LRBA: variants seen among roughly 807,000 people sequenced by gnomAD.
LRBA encodes lipopolysaccharide-responsive and beige-like anchor protein.
LRBA carries 176 observed loss-of-function variants against 330.0 expected under a neutral mutation model. That is an observed-to-expected ratio of 0.53 (90% CI 0.47 to 0.60). The LOEUF is 0.60. Ranked by LOEUF, LRBA falls within the 20% of genes least tolerant of loss-of-function variation. The pLI is 0.00. For synonymous variants in LRBA, 1,230 were observed against 1,193.0 expected (o/e 1.03, Z -0.64); for missense variants, 3,259 against 3,444.8 (o/e 0.95, Z 1.35).
intron 40 of LRBA, among the ~76,000 whole-genome samples, chr4:150,529,989 A>G (rs1490045749): frequency 2.6e-5 from 4 of 152,196 alleles, no homozygotes; most frequent in African/African-American, 9.6e-5. Context: ...TAATCCTTGC[A>G]TTCCAAAATG....
chr4:150,672,582 T>A (rs1286017343), intron 37 of LRBA, among the ~76,000 whole-genome samples: 1 of 152,064 alleles, frequency 6.6e-6, no homozygotes, highest in Non-Finnish European at 1.5e-5. Flanking sequence ...AATTTTTTGA[T>A]AATAAATACT....
intron 2 of LRBA, among the ~76,000 whole-genome samples, chr4:151,005,720 T>C (rs1360685416): frequency 6.8e-6 from 1 of 148,072 alleles, no homozygotes; most frequent in Non-Finnish European, 1.5e-5. Flanking sequence ...TTCTCCTACC[T>C]CAGCCTCCCT....
chr4:150,467,648 T>C, intron 44 of LRBA, 25 bp downstream of exon 44: 2 of 1,308,030 alleles, frequency 1.5e-6, no homozygotes, highest in Non-Finnish European at 1.1e-6. Flanking sequence ...GACAATTATA[T>C]TTCACATCAT....
At chr4:151,011,886 A>G (rs1246743770) in intron 2 of LRBA, among the ~76,000 whole-genome samples, 1 of 151,764 alleles carries the variant, frequency 6.6e-6, no homozygotes, top group Non-Finnish European at 1.5e-5. Context: ...GTCTCACTAT[A>G]GTGCCCAGGC....
intron 42 of LRBA, among the ~76,000 whole-genome samples, chr4:150,474,900 A>T (rs1274168509): frequency 1.3e-5 from 2 of 152,160 alleles, no homozygotes; most frequent in East Asian, 3.8e-4. Context: ...TTTCAACATT[A>T]AGTATGATGT....
At chr4:150,632,614 C>A (rs1777500148) in intron 37 of LRBA, among the ~76,000 whole-genome samples, 1 of 152,146 alleles carries the variant, frequency 6.6e-6, no homozygotes, top group African/African-American at 2.4e-5. Flanking sequence ...AACTACTTTC[C>A]ATCCCATGGG....
intron 42 of LRBA, among the ~76,000 whole-genome samples, chr4:150,477,364 A>T (rs1191096239): frequency 2.0e-5 from 3 of 152,152 alleles, no homozygotes; most frequent in Non-Finnish European, 2.9e-5. Context: ...TAATTGACTT[A>T]TAGTTCCACA....
At chr4:150,268,615 TATAAC>T (rs1189319644) in intron 56 of LRBA, among the ~76,000 whole-genome samples, 2 of 152,274 alleles carry the variant, frequency 1.3e-5, no homozygotes, top group South Asian at 2.1e-4. Context: ...TCAACCAACA[TATAAC>T]ATACTACATT....
chr4:150,521,245 T>C (rs543226465), intron 40 of LRBA, among the ~76,000 whole-genome samples: 3 of 152,236 alleles, frequency 2.0e-5, no homozygotes, highest in South Asian at 2.1e-4. Context: ...CTTCCTTATG[T>C]TTGAGTTTAA....
Position 150,415,547 on chromosome 4 carries a change from T to C in LRBA, c.7085A>G (p.Asn2362Ser), listed in dbSNP as rs1747616157. 6.3e-7 allele frequency: 1 copy of C among 1,597,196 alleles called. No individual in the cohort carries two copies. Among genetic ancestry groups the C allele is most frequent in the Non-Finnish European group, 8.6e-7 (1 of 1,164,776 alleles). ...EFYYLPEMFV[N>S]FNNYNLGVMD... is the part of the protein sequence containing the mutation. ...CACTCCAAGATTATAATTATTGAAG[T>C]TGACAAACATCTCAGGGAGATAATA... Residue 2362 changes from asparagine to serine, a missense_variant, in exon 47 of 57, where the codon AAC (asparagine) becomes AGC (serine). Physicochemically the swap from Asn to Ser is conservative, Grantham distance 46. Transcript: ENST00000651943.
chr4:150,265,675 G>T lies in LRBA; in HGVS notation c.*47C>A. ...GTGGTAGAAGAGAATGATGCTCCAG[G>T]TACTTCTGCTCATCCTAGGGGCAGA... On this transcript the variant is annotated 3_prime_UTR_variant, in exon 57 of 57. Coordinates refer to ENST00000651943, the MANE Select transcript of LRBA (RefSeq NM_001364905.1). 1 of 1,166,378 alleles carries T rather than the reference G, an allele frequency of 8.6e-7. No individual in the cohort carries two copies. The highest frequency in any genetic ancestry group is 1.3e-6 in the Non-Finnish European group (1 of 771,542). 72.3% of individuals were successfully genotyped at this position (1,166,378 alleles called of 1,614,324 possible).
At chr4:150,871,521 G>C (rs1301249655) in intron 18 of LRBA, 68 bp from the exon 19 acceptor site, 2 of 861,556 alleles carry the variant, frequency 2.3e-6, no homozygotes, top group African/African-American at 3.3e-5. Flanking sequence ...ATGCATGCTG[G>C]ATGAAGGAAA....
chr4:150,601,319 G>A (rs1272488515), intron 37 of LRBA, among the ~76,000 whole-genome samples: 1 of 151,996 alleles, frequency 6.6e-6, no homozygotes, highest in African/African-American at 2.4e-5. Flanking sequence ...GACTAAATTA[G>A]GTAACAATAG....
intron 48 of LRBA, among the ~76,000 whole-genome samples, chr4:150,335,456 T>C (rs1187496656): frequency 7.1e-6 from 1 of 140,430 alleles, no homozygotes; most frequent in Non-Finnish European, 1.5e-5. Flanking sequence ...TATATATGTG[T>C]ATATATGTGT....
chr4:150,965,463 T>G (rs1738771630), intron 2 of LRBA, among the ~76,000 whole-genome samples: 1 of 152,186 alleles, frequency 6.6e-6, no homozygotes, highest in African/African-American at 2.4e-5. Context: ...TAAGAAAATT[T>G]AGAAGGATAC....
At chr4:150,705,041 GTAC>G (rs1237589845) in intron 36 of LRBA, among the ~76,000 whole-genome samples, 2 of 152,084 alleles carry the variant, frequency 1.3e-5, no homozygotes, top group African/African-American at 4.8e-5. Flanking sequence ...GATGTATCAT[GTAC>G]TACATGAATA....
At chr4:150,644,000 G>T (rs1367290644) in intron 37 of LRBA, among the ~76,000 whole-genome samples, 2 of 151,782 alleles carry the variant, frequency 1.3e-5, no homozygotes, top group Non-Finnish European at 3.0e-5. Context: ...AGCTATAGAT[G>T]ACCGTGTTTC....
intron 37 of LRBA, among the ~76,000 whole-genome samples, chr4:150,671,615 G>A (rs1345088134): frequency 6.6e-6 from 1 of 152,122 alleles, no homozygotes; most frequent in African/African-American, 2.4e-5. Flanking sequence ...TTTCTCATTT[G>A]TCACATTTAT....
intron 37 of LRBA, among the ~76,000 whole-genome samples, chr4:150,678,886 C>T (rs1271298235): frequency 2.0e-5 from 3 of 151,954 alleles, no homozygotes; most frequent in Non-Finnish European, 4.4e-5. Context: ...GCTTGATTAT[C>T]CACATAGCGT....
Sources: allele counts gnomAD v4.1 joint callset (sites outside exome capture counted in the v4.1 genomes callset), GRCh38; gene constraint gnomAD v4.1.1; transcripts MANE v1.5; gene names NCBI Gene and HGNC (gene_info 2026-07-23, HGNC 2026-07-21).